METTL14: variants seen among roughly 807,000 people sequenced by gnomAD.
METTL14 encodes N(6)-adenosine-methyltransferase non-catalytic subunit METTL14.
Under a neutral mutation model 62.4 loss-of-function variants are expected in METTL14, and 32 were observed. The ratio of observed to expected loss-of-function variants is 0.51; its 90% CI spans 0.39 to 0.69. The LOEUF (loss-of-function observed/expected upper bound fraction) is 0.69, where lower values mean the gene tolerates loss of function less well. Ranked by LOEUF, METTL14 falls within the 30% of genes least tolerant of loss-of-function variation. The probability of loss-of-function intolerance (pLI) is 0.00; values close to 1 mark genes in which losing one functional copy is unlikely to be tolerated. For missense variants in METTL14, 340 were observed against 551.9 expected (o/e 0.62, Z 3.85); for synonymous variants, 150 against 180.0 (o/e 0.83, Z 1.34).
Position 118,713,450 on chromosome 4 carries a change from A to G in METTL14, c.*3148A>G, listed in dbSNP as rs1724980412. On this transcript the variant is annotated 3_prime_UTR_variant, in exon 11 of 11. Transcript: ENST00000388822. The stretch of plus-strand genomic sequence containing the variant: ...CCTGTACTGTTTTCATCCTGAATTT[A>G]GAACATAAGATTTAGCCTTTGAAGT... 1 of 152,238 alleles carries G rather than the reference A, an allele frequency of 6.6e-6. No individual in the cohort carries two copies. Among genetic ancestry groups the G allele is most frequent in the African/African-American group, 2.4e-5 (1 of 41,466 alleles). 9.4% of individuals were successfully genotyped at this position (152,238 alleles called of 1,614,324 possible).
chr4:118,709,971 G>A, intron 10 of METTL14, 27 bp from the exon 11 acceptor site: 1 of 1,560,776 alleles, frequency 6.4e-7, no homozygotes, highest in Non-Finnish European at 8.6e-7. Context: ...CAAATAAAAA[G>A]TATAATCTTT....
At chr4:118,702,274 T>C (rs1455862468) in intron 8 of METTL14, among the ~76,000 whole-genome samples, 1 of 151,916 alleles carries the variant, frequency 6.6e-6, no homozygotes, top group South Asian at 2.1e-4. Flanking sequence ...TTTTATCTTA[T>C]TTACTTAATG....
intron 5 of METTL14, 36 bp downstream of exon 5, chr4:118,692,104 C>A: frequency 8.5e-7 from 1 of 1,179,824 alleles, no homozygotes; most frequent in Non-Finnish European, 1.2e-6. Context: ...CTATTGCTGA[C>A]TCTCAATTAC....
chr4:118,705,728 GA>G lies in METTL14; in HGVS notation c.978del (p.Lys326AsnfsTer3). The G allele has an allele frequency of 6.2e-7, 1 of 1,614,014 alleles. No individual in the cohort carries two copies. ...ITEEPEIGNI[E>X]KPVEIFHIIE... ...AGAAGAACCTGAAATTGGCAATATA[GA>G]AAAACCTGTAGAAATTTTTCATATA... On this transcript the variant is annotated frameshift_variant, in exon 10 of 11. Transcript: ENST00000388822. LOFTEE classifies it high-confidence loss of function.
chr4:118,708,741 T>C (rs1724833250), intron 10 of METTL14, among the ~76,000 whole-genome samples: 1 of 152,226 alleles, frequency 6.6e-6, no homozygotes, highest in Non-Finnish European at 1.5e-5. Flanking sequence ...ATGGGGCAGA[T>C]ATATTATAAA....
In METTL14 at chr4:118,697,228, C is replaced by T; in HGVS notation, c.550C>T (p.Pro184Ser). 1 of 1,611,844 alleles carries T rather than the reference C, an allele frequency of 6.2e-7. No homozygotes were observed. The highest frequency in any genetic ancestry group is 8.5e-7 in the Non-Finnish European group (1 of 1,178,852). ...IEAFDIRELTPKFDVILLEPP... is the reference protein window; with the variant it reads ...IEAFDIRELTSKFDVILLEPP... ...AGCCTTTGACATCAGAGAACTAACA[C>T]CCAAATTTGATGTGATTCTTCTGGA... The change falls in exon 7 of 11, where the codon CCC becomes TCC. Residue 184 changes from proline (P) to serine (S), a missense_variant. Transcript: ENST00000388822.
chr4:118,711,658 T>A lies in METTL14; in HGVS notation c.*1356T>A, dbSNP rs1724924037. ...ATAGAAGAAATAAGGCTGAGATCCTTAAAAGCCTAATTAATTTAACTCGCT... is the reference window on the plus strand; with the variant it reads ...ATAGAAGAAATAAGGCTGAGATCCTAAAAAGCCTAATTAATTTAACTCGCT... On this transcript the variant is annotated 3_prime_UTR_variant, in exon 11 of 11. Coordinates refer to ENST00000388822, the MANE Select transcript of METTL14 (RefSeq NM_020961.4). 1 of 152,174 alleles carries A rather than the reference T, an allele frequency of 6.6e-6. No individual in the cohort carries two copies. Among genetic ancestry groups the A allele is most frequent in the African/African-American group, 2.4e-5 (1 of 41,438 alleles). The allele number at this position is 152,174 out of a possible 1,614,324, so 9.4% of individuals were successfully genotyped here. A position where few individuals can be genotyped will look rare whatever the true frequency, so the allele number is the denominator to read the frequency against.
intron 8 of METTL14, among the ~76,000 whole-genome samples, chr4:118,701,743 G>A (rs533879049): frequency 6.6e-6 from 1 of 152,088 alleles, no homozygotes; most frequent in East Asian, 1.9e-4. Flanking sequence ...TTCCAATTTG[G>A]GGAGGTATCC....
chr4:118,691,692 C>A, intron 4 of METTL14, 80 bp downstream of exon 4: 1 of 685,558 alleles, frequency 1.5e-6, no homozygotes, highest in South Asian at 2.3e-5. Context: ...ACCTGTTTGT[C>A]TTCAAGATGT....
intron 8 of METTL14, among the ~76,000 whole-genome samples, chr4:118,702,859 CTCTA>C (rs946436583): frequency 1.3e-5 from 2 of 149,570 alleles, no homozygotes; most frequent in Non-Finnish European, 3.0e-5. Context: ...ATGTTTTATA[CTCTA>C]TCTTTTTTTT....
At chr4:118,702,315 C>T (rs986209610) in intron 8 of METTL14, among the ~76,000 whole-genome samples, 9 of 150,642 alleles carry the variant, frequency 6.0e-5, no homozygotes, top group South Asian at 2.1e-4. Flanking sequence ...GAGAGTTCGG[C>T]GAAAAATGAT....
intron 4 of METTL14, 140 bp downstream of exon 4, chr4:118,691,752 T>A: frequency 1.7e-6 from 1 of 589,020 alleles, no homozygotes; most frequent in Non-Finnish European, 2.9e-6. Flanking sequence ...TATTTAAAAT[T>A]ACTCATGAAA....
chr4:118,695,847 C>A (rs112270157), intron 6 of METTL14, among the ~76,000 whole-genome samples: 2,060 of 152,084 alleles, frequency 0.014, 48 homozygotes, highest in African/African-American at 0.047. Flanking sequence ...TGCGGTGGCT[C>A]ACACCTATAA....
chr4:118,704,337 T>G (rs1200107415), intron 9 of METTL14, among the ~76,000 whole-genome samples: 1 of 152,182 alleles, frequency 6.6e-6, no homozygotes, highest in Non-Finnish European at 1.5e-5. Context: ...ACCCGCAGAA[T>G]TTTTCTAGGC....
At chr4:118,704,752 C>A (rs969560096) in intron 9 of METTL14, among the ~76,000 whole-genome samples, 1 of 152,046 alleles carries the variant, frequency 6.6e-6, no homozygotes, top group Non-Finnish European at 1.5e-5. Flanking sequence ...TGAGTTGTAT[C>A]CTTTTATAAT....
At chr4:118,693,919 G>C (rs35952841) in intron 5 of METTL14, among the ~76,000 whole-genome samples, 43,722 of 151,852 alleles carry the variant, frequency 0.29, 7,214 homozygotes, top group Non-Finnish European at 0.37. Flanking sequence ...TGTACTTTTG[G>C]TTTTTAAATT....
intron 10 of METTL14, among the ~76,000 whole-genome samples, chr4:118,706,902 C>A (rs1239699418): frequency 2.6e-5 from 4 of 151,950 alleles, no homozygotes; most frequent in African/African-American, 4.8e-5. Context: ...CTTTTAAGGT[C>A]TTTGGCCCAT....
At chr4:118,687,350 T>A (rs1724099452) in intron 1 of METTL14, among the ~76,000 whole-genome samples, 1 of 152,214 alleles carries the variant, frequency 6.6e-6, no homozygotes, top group Non-Finnish European at 1.5e-5. Flanking sequence ...GCGTTTTGGA[T>A]TTTGGATTTT....
In METTL14 at chr4:118,691,518, T is replaced by G; in HGVS notation, c.244-14T>G. ...CTATTTGTAAAATATTTACTTAATCTTATGTTTTTCAAGGATGAACTAGAA... is the reference window on the plus strand; with the variant it reads ...CTATTTGTAAAATATTTACTTAATCGTATGTTTTTCAAGGATGAACTAGAA... On this transcript the variant is annotated splice_polypyrimidine_tract_variant and intron_variant, in intron 3 of 10. Coordinates refer to ENST00000388822, the MANE Select transcript of METTL14 (RefSeq NM_020961.4). 6.8e-7 allele frequency: 1 copy of G among 1,470,518 alleles called. No individual in the cohort carries two copies. Among genetic ancestry groups the G allele is most frequent in the Non-Finnish European group, 9.3e-7 (1 of 1,077,860 alleles). The allele number at this position is 1,470,518 out of a possible 1,614,324, so 91.1% of individuals were successfully genotyped here.
Sources: gnomAD v4.1 joint callset for allele counts (sites outside exome capture counted in the v4.1 genomes callset) on GRCh38, gnomAD v4.1.1 for gene constraint, MANE v1.5 for transcripts, NCBI Gene and HGNC (gene_info 2026-07-23, HGNC 2026-07-21) for gene names.